The following CSMD1 variants were observed in gnomAD, a reference collection of about 807,000 sequenced individuals.
CSMD1 encodes the protein CUB and sushi domain-containing protein 1.
Under a neutral mutation model 417.5 loss-of-function variants are expected in CSMD1, and 213 were observed. The ratio of observed to expected loss-of-function variants is 0.51; its 90% CI spans 0.46 to 0.57. The LOEUF is 0.57. Among genes scored for constraint, CSMD1 ranks in the 20% least tolerant of loss-of-function variants. The pLI is 0.00. For synonymous variants in CSMD1, 2,862 were observed against 1,736.8 expected (o/e 1.65, Z -16.11); for missense variants, 6,923 against 4,529.7 (o/e 1.53, Z -15.17).
Position 4,637,503 on chromosome 8 carries a change from C to A in CSMD1, c.141G>T (p.Gly47=), listed in dbSNP as rs1334783587. 1.2e-6 allele frequency: 2 copies of A among 1,613,854 alleles called. No homozygotes were observed. Among genetic ancestry groups the A allele is most frequent in the East Asian group, 2.2e-5 (1 of 44,866 alleles). ...QGPNGTIESP[G]FPHGYPNYAN... ...CATAGTTCGGATACCCGTGAGGAAA[C>A]CCTGGGCTCTCAATAGTGCCATTGG... The change falls in exon 2 of 70, where the codon GGG becomes GGT. Residue 47 remains glycine, a synonymous_variant. Transcript: ENST00000635120.
intron 5 of CSMD1, among the ~76,000 whole-genome samples, chr8:3,830,410 A>T (rs1331704279): frequency 6.6e-6 from 1 of 152,176 alleles, no homozygotes; most frequent in East Asian, 1.9e-4. Context: ...CAATCAGATG[A>T]TACCCAGGTT....
chr8:4,703,388 T>C (rs1288314031), intron 1 of CSMD1, among the ~76,000 whole-genome samples: 3 of 152,198 alleles, frequency 2.0e-5, no homozygotes, highest in African/African-American at 7.2e-5. Flanking sequence ...GAAATAGCGA[T>C]GGACTCAACA....
At chr8:3,819,067 C>G (rs1020811707) in intron 5 of CSMD1, among the ~76,000 whole-genome samples, 2 of 152,196 alleles carry the variant, frequency 1.3e-5, no homozygotes, top group Non-Finnish European at 2.9e-5. Flanking sequence ...GAAAATGGCA[C>G]AGCTTCATAG....
chr8:4,041,069 T>G (rs376321596), intron 3 of CSMD1, among the ~76,000 whole-genome samples: 4 of 139,108 alleles, frequency 2.9e-5, no homozygotes, highest in South Asian at 4.5e-4. Context: ...CAGGCTGGAG[T>G]GCAGTGGCGC....
chr8:4,989,460 C>G (rs961927964), intron 1 of CSMD1, among the ~76,000 whole-genome samples: 2 of 152,118 alleles, frequency 1.3e-5, no homozygotes, highest in Admixed American at 6.5e-5. Context: ...TGTGGAAGAT[C>G]TCCGCCTTTA....
At chr8:4,679,775 G>C (rs1192790759) in intron 1 of CSMD1, among the ~76,000 whole-genome samples, 1 of 152,032 alleles carries the variant, frequency 6.6e-6, no homozygotes, top group Non-Finnish European at 1.5e-5. Flanking sequence ...TTTATGCTAA[G>C]TAATATGTGT....
intron 5 of CSMD1, among the ~76,000 whole-genome samples, chr8:3,976,549 C>A (rs903224272): frequency 6.6e-6 from 1 of 152,146 alleles, no homozygotes; most frequent in African/African-American, 2.4e-5. Context: ...GCCTGTGAAA[C>A]AGAGTGTCTT....
intron 5 of CSMD1, among the ~76,000 whole-genome samples, chr8:3,904,031 T>C (rs988800122): frequency 6.6e-6 from 1 of 152,212 alleles, no homozygotes; most frequent in African/African-American, 2.4e-5. Flanking sequence ...GTGGGTCTAA[T>C]GTCACTTCCT....
intron 10 of CSMD1, among the ~76,000 whole-genome samples, chr8:3,507,490 C>T (rs1796877543): frequency 2.0e-5 from 3 of 152,110 alleles, no homozygotes; most frequent in Non-Finnish European, 4.4e-5. Context: ...TTTATAGCAG[C>T]ATGATTTATA....
chr8:3,424,707 A>C (rs1452158201), intron 12 of CSMD1, among the ~76,000 whole-genome samples: 1 of 152,212 alleles, frequency 6.6e-6, no homozygotes, highest in Non-Finnish European at 1.5e-5. Flanking sequence ...TTCTATCAGG[A>C]AGGAATTGTC....
chr8:3,614,725 T>A (rs1007145022), intron 8 of CSMD1, among the ~76,000 whole-genome samples: 1 of 152,234 alleles, frequency 6.6e-6, no homozygotes, highest in Non-Finnish European at 1.5e-5. Context: ...GTTCCTCTGA[T>A]ACACAAAGTA....
At chr8:4,837,360 C>A (rs370416653) in intron 1 of CSMD1, among the ~76,000 whole-genome samples, 1 of 152,078 alleles carries the variant, frequency 6.6e-6, no homozygotes, top group Non-Finnish European at 1.5e-5. Context: ...TGTCCATCAA[C>A]AGATGATAAA....
intron 1 of CSMD1, among the ~76,000 whole-genome samples, chr8:4,824,378 T>C (rs1009865148): frequency 1.3e-5 from 2 of 152,122 alleles, no homozygotes; most frequent in Admixed American, 6.6e-5. Context: ...AGTTTTAATT[T>C]AATGTGAAAA....
At chr8:4,289,857 G>C (rs912422887) in intron 3 of CSMD1, among the ~76,000 whole-genome samples, 1 of 152,166 alleles carries the variant, frequency 6.6e-6, no homozygotes, top group East Asian at 1.9e-4. Context: ...GATATTCAAA[G>C]TGTATTTGCT....
intron 1 of CSMD1, among the ~76,000 whole-genome samples, chr8:4,969,658 T>C (rs1810112605): frequency 6.6e-6 from 1 of 152,026 alleles, no homozygotes. Context: ...TTGAGCCCAT[T>C]GATTTCGAGG....
At chr8:4,472,997 C>T (rs1169528903) in intron 2 of CSMD1, among the ~76,000 whole-genome samples, 1 of 151,970 alleles carries the variant, frequency 6.6e-6, no homozygotes, top group South Asian at 2.1e-4. Flanking sequence ...TATATGTACA[C>T]ATAAATTATA....
intron 1 of CSMD1, among the ~76,000 whole-genome samples, chr8:4,848,268 G>A (rs1294052024): frequency 6.6e-6 from 1 of 152,208 alleles, no homozygotes; most frequent in South Asian, 2.1e-4. Flanking sequence ...TTTGAATAAT[G>A]TTGACATAAA....
chr8:4,689,943 C>T (rs1806658437), intron 1 of CSMD1, among the ~76,000 whole-genome samples: 1 of 152,072 alleles, frequency 6.6e-6, no homozygotes, highest in African/African-American at 2.4e-5. Flanking sequence ...CACTTTCTCC[C>T]CTGCAGGAAG....
At chr8:4,747,587 C>T (rs1415237794) in intron 1 of CSMD1, among the ~76,000 whole-genome samples, 1 of 152,202 alleles carries the variant, frequency 6.6e-6, no homozygotes, top group Non-Finnish European at 1.5e-5. Flanking sequence ...CTGCTAAATA[C>T]ACTGAATGTT....
Sources: gnomAD v4.1 joint callset for allele counts (sites outside exome capture counted in the v4.1 genomes callset) on GRCh38, gnomAD v4.1.1 for gene constraint, MANE v1.5 for transcripts, NCBI Gene and HGNC (gene_info 2026-07-23, HGNC 2026-07-21) for gene names.